Variants in LINGO2 observed in about 807,000 individuals in gnomAD.
The protein encoded by LINGO2 is leucine rich repeat and Ig domain containing 2.
A neutral mutation model predicts 30.6 loss-of-function variants in LINGO2; 14 were observed. That is an observed-to-expected ratio of 0.46 (90% CI 0.30 to 0.72). The LOEUF (loss-of-function observed/expected upper bound fraction) is 0.72, where lower values mean the gene tolerates loss of function less well. LINGO2 is among the 30% of genes least tolerant of loss of function. The pLI is 0.07. For missense variants in LINGO2, 729 were observed against 751.7 expected (o/e 0.97, Z 0.35); for synonymous variants, 317 against 288.5 (o/e 1.10, Z -1.00).
At chr9:28,728,708 A>T in the LINGO2 span, among the ~76,000 whole-genome samples, 21 of 152,166 alleles carry the variant, frequency 1.4e-4, no homozygotes, top group Non-Finnish European at 2.6e-4. Context: ...TTAAAAATAT[A>T]AACCTCATAA....
chr9:29,197,320 T>G, the LINGO2 span, among the ~76,000 whole-genome samples: 9 of 151,974 alleles, frequency 5.9e-5, no homozygotes, highest in South Asian at 1.7e-3. Context: ...CTTGTACTGC[T>G]CAATCTCATC....
At chr9:28,525,234 A>G (rs375835115) in intron 1 of LINGO2, among the ~76,000 whole-genome samples, 4 of 152,220 alleles carry the variant, frequency 2.6e-5, no homozygotes. Context: ...TAGAGAAATT[A>G]GAACTATCAT....
At chr9:28,551,797 C>T (rs1822298437) in intron 1 of LINGO2, among the ~76,000 whole-genome samples, 1 of 152,000 alleles carries the variant, frequency 6.6e-6, no homozygotes, top group African/African-American at 2.4e-5. Context: ...CCTTTTTCAA[C>T]ACCACTTTGG....
At chr9:29,146,484 A>C in the LINGO2 span, among the ~76,000 whole-genome samples, 3 of 152,238 alleles carry the variant, frequency 2.0e-5, no homozygotes, top group Admixed American at 6.5e-5. Flanking sequence ...CCTAATATTA[A>C]CATGAACATA....
intron 1 of LINGO2, among the ~76,000 whole-genome samples, chr9:28,534,558 T>A (rs998526924): frequency 1.2e-4 from 19 of 152,178 alleles, no homozygotes; most frequent in African/African-American, 4.6e-4. Context: ...AACTTGTCAT[T>A]CTTAGCTCAT....
chr9:28,234,760 T>G (rs1821498666), intron 4 of LINGO2, among the ~76,000 whole-genome samples: 1 of 152,154 alleles, frequency 6.6e-6, no homozygotes, highest in South Asian at 2.1e-4. Flanking sequence ...TTTTTGAGGT[T>G]TTGGGACTCA....
intron 2 of LINGO2, among the ~76,000 whole-genome samples, chr9:28,376,817 C>G (rs1821149756): frequency 6.6e-6 from 1 of 152,104 alleles, no homozygotes; most frequent in Admixed American, 6.5e-5. Context: ...ACAGATATGT[C>G]AGGCTCTGAA....
intron 5 of LINGO2, among the ~76,000 whole-genome samples, chr9:27,967,801 AGC>A (rs1820171097): frequency 6.6e-6 from 1 of 152,170 alleles, no homozygotes; most frequent in East Asian, 1.9e-4. Context: ...TTCCAGATAC[AGC>A]TGCATCTAAA....
At chr9:29,047,005 G>GGAAGCAGAGAGGTT in the LINGO2 span, among the ~76,000 whole-genome samples, 24 of 145,134 alleles carry the variant, frequency 1.7e-4, 5 homozygotes, top group South Asian at 4.5e-4. Flanking sequence ...CTTGAATCCG[G>GGAAGCAGAGAGGTT]GCACTCCACC....
chr9:29,103,907 A>G, the LINGO2 span, among the ~76,000 whole-genome samples: 3 of 152,208 alleles, frequency 2.0e-5, no homozygotes, highest in Non-Finnish European at 2.9e-5. Flanking sequence ...TCAACTTTTA[A>G]TAGCTGCGCC....
Position 28,189,567 on chromosome 9 carries a change from GGA to G in LINGO2, c.-87+105639_-87+105640del, listed in dbSNP as rs1587178024. On this transcript the variant is annotated intron_variant, in intron 4 of 5. Transcript: ENST00000379992. ...AGGGAGGAAGGAAGGAAGGGAGGAA[GGA>G]AGGAAGGAAGGGAGGGAGGAAGGAA... Among the ~76,000 whole-genome samples the G allele has an allele frequency of 1.3e-4, 7 of 51,968 alleles. 2 individuals carry two copies. Among genetic ancestry groups the G allele is most frequent in the Admixed American group, 3.6e-4 (2 of 5,490 alleles). 34.1% of individuals were successfully genotyped at this position (51,968 alleles called of 152,430 possible).
At chr9:28,097,301 G>T (rs1328920704) in intron 4 of LINGO2, among the ~76,000 whole-genome samples, 1 of 151,906 alleles carries the variant, frequency 6.6e-6, no homozygotes, top group Non-Finnish European at 1.5e-5. Context: ...TCTAGAACTA[G>T]AAATACCATT....
chr9:28,428,700 C>T (rs187376992), intron 2 of LINGO2, among the ~76,000 whole-genome samples: 2 of 152,064 alleles, frequency 1.3e-5, no homozygotes, highest in African/African-American at 4.8e-5. Flanking sequence ...GACGTAGTTG[C>T]TGCTGGTTAT....
chr9:29,157,047 A>T, the LINGO2 span, among the ~76,000 whole-genome samples: 1 of 152,104 alleles, frequency 6.6e-6, no homozygotes, highest in Non-Finnish European at 1.5e-5. Context: ...TAGAAAAATT[A>T]AGAACTAAAT....
the LINGO2 span, among the ~76,000 whole-genome samples, chr9:29,020,211 G>A: frequency 6.6e-6 from 1 of 152,114 alleles, no homozygotes; most frequent in Admixed American, 6.5e-5. Flanking sequence ...ATATCTCCTT[G>A]GCAAAGAAAT....
chr9:28,391,239 C>T lies in LINGO2; in HGVS notation c.-278-18371G>A, dbSNP rs375678059. ...AATCAGCACCACACTGATTAAGATACGGAATATTTTCATCATCAGAGAGTT... is the reference window on the plus strand; with the variant it reads ...AATCAGCACCACACTGATTAAGATATGGAATATTTTCATCATCAGAGAGTT... On this transcript the variant is annotated intron_variant, in intron 2 of 5. Transcript: ENST00000379992. 2.2e-4 allele frequency among the ~76,000 whole-genome samples: 33 copies of T among 152,190 alleles called. No individual in the cohort carries two copies. The East Asian group carries it at 3.3e-3, about 15-fold the overall frequency.
At chr9:28,001,872 C>T (rs1199740407) in intron 5 of LINGO2, among the ~76,000 whole-genome samples, 3 of 152,104 alleles carry the variant, frequency 2.0e-5, no homozygotes, top group Admixed American at 2.0e-4. Flanking sequence ...CTACTCCAAG[C>T]AATGACAAGT....
chr9:28,424,641 C>T (rs561536860), intron 2 of LINGO2, among the ~76,000 whole-genome samples: 2 of 152,260 alleles, frequency 1.3e-5, no homozygotes, highest in South Asian at 2.1e-4. Flanking sequence ...TGTAAGCCGA[C>T]GTCATTTAAG....
chr9:28,733,871 C>T, the LINGO2 span, among the ~76,000 whole-genome samples: 6 of 152,084 alleles, frequency 3.9e-5, no homozygotes, highest in African/African-American at 7.2e-5. Context: ...ACAACCTTTA[C>T]GGAGTGGCGA....
Sources: gnomAD v4.1 joint callset for allele counts (sites outside exome capture counted in the v4.1 genomes callset) on GRCh38, gnomAD v4.1.1 for gene constraint, MANE v1.5 for transcripts, NCBI Gene and HGNC (gene_info 2026-07-23, HGNC 2026-07-21) for gene names.